COBL: variants seen among roughly 807,000 people sequenced by gnomAD.
COBL encodes cordon-bleu WH2 repeat protein, also known as protein cordon-bleu.
A neutral mutation model predicts 98.8 loss-of-function variants in COBL; 51 were observed. That is an observed-to-expected ratio of 0.52 (90% CI 0.41 to 0.65). The LOEUF (loss-of-function observed/expected upper bound fraction) is 0.65, where lower values mean the gene tolerates loss of function less well. Ranked by LOEUF, COBL falls within the 30% of genes least tolerant of loss-of-function variation. The pLI, the probability that COBL is intolerant of heterozygous loss-of-function variation, is 0.00. For missense variants in COBL, 1,617 were observed against 1,617.5 expected (o/e 1.00, Z 0.01); for synonymous variants, 634 against 651.7 (o/e 0.97, Z 0.41).
chr7:51,146,693 G>C (rs551099267), intron 5 of COBL, among the ~76,000 whole-genome samples: 45 of 152,216 alleles, frequency 3.0e-4, no homozygotes, highest in South Asian at 4.2e-4. Flanking sequence ...TTTCTAGGAA[G>C]CTGGGAGAGT....
intron 1 of COBL, among the ~76,000 whole-genome samples, chr7:51,222,256 T>C (rs1295368208): frequency 6.6e-6 from 1 of 152,036 alleles, no homozygotes; most frequent in Non-Finnish European, 1.5e-5. Context: ...AGGTATAAAT[T>C]CTCTTTTTCT....
At chr7:51,038,443 C>A (rs912666523) in intron 8 of COBL, among the ~76,000 whole-genome samples, 25 of 152,310 alleles carry the variant, frequency 1.6e-4, no homozygotes, top group Admixed American at 2.6e-4. Flanking sequence ...GTGTTTGCCT[C>A]CAGCTTGTCA....
chr7:51,283,736 C>T (rs1355988255), intron 1 of COBL, among the ~76,000 whole-genome samples: 2 of 152,234 alleles, frequency 1.3e-5, no homozygotes, highest in South Asian at 2.1e-4. Context: ...CCGCCTGCCT[C>T]GGCCTCCCAG....
chr7:51,018,460 T>C (rs988402470), intron 12 of COBL: 1 of 152,352 alleles, frequency 6.6e-6, no homozygotes, highest in Non-Finnish European at 1.5e-5. Flanking sequence ...TGCTCCTCCA[T>C]ATCCCTCTCT....
chr7:51,086,160 T>C (rs1312429319), intron 6 of COBL, among the ~76,000 whole-genome samples: 1 of 151,956 alleles, frequency 6.6e-6, no homozygotes, highest in Non-Finnish European at 1.5e-5. Flanking sequence ...TAAAATTCAT[T>C]GATTAAAGAA....
chr7:51,295,930 G>A (rs1299551748), intron 1 of COBL, among the ~76,000 whole-genome samples: 2 of 152,212 alleles, frequency 1.3e-5, no homozygotes, highest in East Asian at 3.8e-4. Flanking sequence ...GTTACAGCTT[G>A]TCTGGCCTGG....
At chr7:51,121,175 A>G (rs1797703143) in intron 6 of COBL, among the ~76,000 whole-genome samples, 1 of 152,150 alleles carries the variant, frequency 6.6e-6, no homozygotes, top group Non-Finnish European at 1.5e-5. Context: ...ATCCCCGCCA[A>G]CGCATCTTTT....
At chr7:51,282,499 G>A (rs1404011230) in intron 1 of COBL, among the ~76,000 whole-genome samples, 1 of 151,988 alleles carries the variant, frequency 6.6e-6, no homozygotes, top group East Asian at 1.9e-4. Context: ...ACATAAAAGA[G>A]TCAATTCAAC....
At chr7:51,075,056 A>C (rs560597285) in intron 7 of COBL, among the ~76,000 whole-genome samples, 1 of 152,360 alleles carries the variant, frequency 6.6e-6, no homozygotes, top group Non-Finnish European at 1.5e-5. Context: ...TAAGATGAGA[A>C]TAAAACCAGA....
chr7:51,280,336 T>C (rs1302062315), intron 1 of COBL, among the ~76,000 whole-genome samples: 1 of 152,088 alleles, frequency 6.6e-6, no homozygotes, highest in African/African-American at 2.4e-5. Flanking sequence ...ATTATGCTCA[T>C]CTCCCTGCTC....
rs76121980 is a variant in COBL, at chr7:51,201,564, A to G, written c.246-7975T>C. On this transcript the variant is annotated intron_variant, in intron 2 of 12. Coordinates refer to ENST00000265136, the MANE Select transcript of COBL (RefSeq NM_015198.5). ...TATAATGGATAGACCATTCTGGTAG[A>G]AAGATCAATCAATAAGTAAACAGAA... Among the ~76,000 whole-genome samples the G allele has an allele frequency of 8.2e-3, 1,250 of 152,328 alleles. 66 individuals are homozygous for G. The South Asian group carries it at 0.14, about 17-fold the overall frequency.
intron 7 of COBL, among the ~76,000 whole-genome samples, chr7:51,044,891 C>T (rs1428995174): frequency 6.6e-6 from 1 of 151,992 alleles, no homozygotes; most frequent in Non-Finnish European, 1.5e-5. Context: ...AGATTCCAAA[C>T]AATAAAACAA....
chr7:51,298,643 G>A (rs931494339), intron 1 of COBL, among the ~76,000 whole-genome samples: 29 of 152,164 alleles, frequency 1.9e-4, no homozygotes, highest in African/African-American at 6.8e-4. Context: ...CCAGGCTCAT[G>A]AGCATGTCAT....
chr7:51,182,726 T>C (rs542702210), intron 5 of COBL, among the ~76,000 whole-genome samples: 1 of 152,044 alleles, frequency 6.6e-6, no homozygotes, highest in African/African-American at 2.4e-5. Flanking sequence ...GAGCCAAAGG[T>C]CTTACATAGA....
chr7:51,071,731 T>C (rs190073873), intron 7 of COBL: 47 of 152,332 alleles, frequency 3.1e-4, no homozygotes, highest in African/African-American at 1.0e-3. Flanking sequence ...TAGCTACTTC[T>C]TACACAAATG....
chr7:51,135,452 T>C (rs547036512), intron 6 of COBL, among the ~76,000 whole-genome samples: 10 of 151,718 alleles, frequency 6.6e-5, no homozygotes, highest in African/African-American at 1.9e-4. Context: ...CTTGCAAAAA[T>C]AGATGGACAG....
At chr7:51,298,141 GA>G (rs1801593614) in intron 1 of COBL, among the ~76,000 whole-genome samples, 1 of 152,188 alleles carries the variant, frequency 6.6e-6, no homozygotes, top group South Asian at 2.1e-4. Context: ...GCCATTTTGT[GA>G]AGACACTCAG....
At chr7:51,312,012 G>A (rs191755378) in intron 1 of COBL, among the ~76,000 whole-genome samples, 154 of 152,014 alleles carry the variant, frequency 1.0e-3, no homozygotes, top group African/African-American at 3.0e-3. Flanking sequence ...AGGAATGTAC[G>A]AAAACACCAT....
In COBL at chr7:51,027,984, T is replaced by C; in HGVS notation, c.3112A>G (p.Asn1038Asp). The C allele has an allele frequency of 6.2e-7, 1 of 1,604,646 alleles. No homozygotes were observed. Among genetic ancestry groups the C allele is most frequent in the Non-Finnish European group, 8.5e-7 (1 of 1,174,828 alleles). Residue 1038 changes from asparagine (N) to aspartate (D), a missense_variant, in exon 10 of 13, where the codon AAT becomes GAT. Physicochemically the swap from Asn to Asp is conservative, Grantham distance 23. Coordinates refer to ENST00000265136, the MANE Select transcript of COBL (RefSeq NM_015198.5). Reference protein sequence around the residue: ...DTQACSRELVNGSVRAPGHGE... With the variant: ...DTQACSRELVDGSVRAPGHGE... ...TGGCCTGGGGCGCGCACAGAGCCAT[T>C]GACCAGCTCCCTGCTGCAGGCCTGA...
Sources: allele counts gnomAD v4.1 joint callset (sites outside exome capture counted in the v4.1 genomes callset), GRCh38; gene constraint gnomAD v4.1.1; transcripts MANE v1.5; gene names NCBI Gene and HGNC (gene_info 2026-07-23, HGNC 2026-07-21).